The following ERBB4 variants were observed in gnomAD, a reference collection of about 807,000 sequenced individuals.
The protein encoded by ERBB4 is receptor tyrosine-protein kinase erbB-4.
A neutral mutation model predicts 158.0 loss-of-function variants in ERBB4; 42 were observed. The observed-to-expected ratio is 0.27, with a 90% CI of 0.21 to 0.34. The LOEUF (loss-of-function observed/expected upper bound fraction) is 0.34, where lower values mean the gene tolerates loss of function less well. ERBB4 is among the 10% of genes least tolerant of loss of function. ERBB4 has a pLI of 1.00. For missense variants in ERBB4, 1,333 were observed against 1,624.1 expected, an observed-to-expected ratio of 0.82 and a Z score of 3.08; for synonymous variants, 583 against 558.7, an observed-to-expected ratio of 1.04 and a Z score of -0.61.
intron 1 of ERBB4, among the ~76,000 whole-genome samples, chr2:212,247,636 C>G (rs1183733169): frequency 6.6e-6 from 1 of 152,134 alleles, no homozygotes. Flanking sequence ...AGTTTGTTTT[C>G]TCATTTAATA....
chr2:212,197,265 G>T (rs1331015494), intron 1 of ERBB4, among the ~76,000 whole-genome samples: 1 of 152,128 alleles, frequency 6.6e-6, no homozygotes. Flanking sequence ...AACTTATGAA[G>T]ATTCGCAATA....
intron 1 of ERBB4, among the ~76,000 whole-genome samples, chr2:212,175,096 G>A (rs1186733926): frequency 6.6e-6 from 1 of 152,000 alleles, no homozygotes; most frequent in African/African-American, 2.4e-5. Flanking sequence ...AAGATCTGGT[G>A]TAAAAGTCAC....
At position 211,955,178 on chromosome 2, in the gene ERBB4, AC is replaced by A. The variant is rs370909682; in HGVS notation, c.235-7563del. 4.9e-3 allele frequency among the ~76,000 whole-genome samples: 745 copies of A among 152,192 alleles called. 8 individuals are homozygous for A. Among genetic ancestry groups the A allele is most frequent in the African/African-American group, 0.017 (702 of 41,554 alleles). On this transcript the variant is annotated intron_variant, in intron 2 of 27. Coordinates refer to ENST00000342788, the MANE Select transcript of ERBB4 (RefSeq NM_005235.3). The stretch of plus-strand genomic sequence containing the variant: ...GTAAGATCATCCCAACAAACTGCTA[AC>A]TTTCAGCCATTTCCAGCTAGTCTCT...
chr2:211,410,246 C>T (rs1253142040), intron 25 of ERBB4, among the ~76,000 whole-genome samples: 1 of 152,196 alleles, frequency 6.6e-6, no homozygotes, highest in Non-Finnish European at 1.5e-5. Flanking sequence ...TATATATACA[C>T]ACATTGCCAA....
rs73985488 is a variant in ERBB4, at chr2:211,554,117, G to A, written c.2487+7786C>T. Among the ~76,000 whole-genome samples, 939 of 152,304 alleles carry A rather than the reference G, an allele frequency of 6.2e-3. 8 individuals are homozygous for A. The highest frequency in any genetic ancestry group is 0.02 in the African/African-American group (849 of 41,564). ...TTCAGTCCTCTAATTCCGGAGTGCC[G>A]TTGAAGAAGAGCAGGTCACTTTAAG... On this transcript the variant is annotated intron_variant, in intron 20 of 27. Coordinates refer to ENST00000342788, the MANE Select transcript of ERBB4 (RefSeq NM_005235.3).
chr2:211,974,620 T>C (rs1049050860), intron 2 of ERBB4, among the ~76,000 whole-genome samples: 29 of 152,144 alleles, frequency 1.9e-4, no homozygotes, highest in Middle Eastern at 3.2e-3. Flanking sequence ...CCAGGAGCAA[T>C]GGCTCACACC....
At chr2:212,410,373 G>A (rs554976398) in intron 1 of ERBB4, among the ~76,000 whole-genome samples, 1 of 152,024 alleles carries the variant, frequency 6.6e-6, no homozygotes, top group African/African-American at 2.4e-5. Context: ...TTTTTGTAAA[G>A]AAACTATCAT....
At chr2:211,806,146 T>C (rs538498744) in intron 3 of ERBB4, among the ~76,000 whole-genome samples, 1 of 152,142 alleles carries the variant, frequency 6.6e-6, no homozygotes, top group Admixed American at 6.5e-5. Flanking sequence ...AATAAATGCC[T>C]AGATGTGTAT....
rs752278603 is a variant in ERBB4, at chr2:211,624,496, T to C, written c.2080-452A>G. Among the ~76,000 whole-genome samples the C allele has an allele frequency of 2.2e-4, 33 of 152,254 alleles. 1 individual carries two copies. Among genetic ancestry groups the C allele is most frequent in the Admixed American group, 1.3e-3 (20 of 15,286 alleles). ...AATTACCTCAACTTCTTGTTAAATA[T>C]AGGTCCCGGTTCAGCAAGTCTGGAG... On this transcript the variant is annotated intron_variant, in intron 17 of 27. Transcript: ENST00000342788.
Position 211,481,971 on chromosome 2 carries a change from G to T in ERBB4, c.2488-50871C>A, listed in dbSNP as rs578152477. Among the ~76,000 whole-genome samples the T allele has an allele frequency of 1.2e-3, 189 of 152,232 alleles. 1 individual carries two copies. The highest frequency in any genetic ancestry group is 2.3e-3 in the Non-Finnish European group (156 of 68,004). ...CCCCTGAGAAATAAGCCACAAGATT[G>T]CTCCAGCTTACTGTTTAAGTAAATT... On this transcript the variant is annotated intron_variant, in intron 20 of 27. Transcript: ENST00000342788.
intron 20 of ERBB4, among the ~76,000 whole-genome samples, chr2:211,489,825 T>G (rs537265500): frequency 6.6e-6 from 1 of 152,134 alleles, no homozygotes; most frequent in East Asian, 1.9e-4. Flanking sequence ...GGACCAACTC[T>G]CCATCACATC....
At chr2:212,404,618 C>A in intron 1 of ERBB4, among the ~76,000 whole-genome samples, 1 of 151,964 alleles carries the variant, frequency 6.6e-6, no homozygotes, top group East Asian at 1.9e-4. Context: ...GGGCAAACAG[C>A]TGGAAAGTGT....
chr2:212,253,461 C>T lies in ERBB4; in HGVS notation c.83-128558G>A, dbSNP rs79559063. ...AAAAAACCTATAATAAGTAAATTTG[C>T]TTCTCTTCTTCATCAAAACCAGTTC... is the stretch of plus-strand genomic sequence containing the variant. On this transcript the variant is annotated intron_variant, in intron 1 of 27. Coordinates refer to ENST00000342788, the MANE Select transcript of ERBB4 (RefSeq NM_005235.3). Among the ~76,000 whole-genome samples the T allele has an allele frequency of 4.8e-3, 733 of 152,006 alleles. 7 individuals are homozygous for T. Among genetic ancestry groups the T allele is most frequent in the Middle Eastern group, 0.017 (5 of 294 alleles).
At chr2:212,159,287 A>T (rs1375924618) in intron 1 of ERBB4, among the ~76,000 whole-genome samples, 1 of 150,346 alleles carries the variant, frequency 6.7e-6, no homozygotes, top group African/African-American at 2.4e-5. Context: ...TTTTGGATAG[A>T]AACAGATAGC....
chr2:211,411,233 A>G (rs1270820390), intron 25 of ERBB4, among the ~76,000 whole-genome samples: 1 of 152,202 alleles, frequency 6.6e-6, no homozygotes, highest in East Asian at 1.9e-4. Flanking sequence ...ATACAAGTAA[A>G]TCTTACAAAG....
At chr2:212,436,896 G>T (rs374645633) in intron 1 of ERBB4, among the ~76,000 whole-genome samples, 3 of 151,952 alleles carry the variant, frequency 2.0e-5, no homozygotes, top group Non-Finnish European at 1.5e-5. Context: ...ACAAGAATAG[G>T]TTGGAGGCCA....
At chr2:211,839,282 A>C (rs1234043157) in intron 3 of ERBB4, among the ~76,000 whole-genome samples, 1 of 151,964 alleles carries the variant, frequency 6.6e-6, no homozygotes, top group African/African-American at 2.4e-5. Flanking sequence ...GTCACCCTTC[A>C]CGCTCATATT....
At chr2:211,801,946 C>A (rs2076506516) in intron 3 of ERBB4, among the ~76,000 whole-genome samples, 1 of 152,114 alleles carries the variant, frequency 6.6e-6, no homozygotes, top group Middle Eastern at 3.2e-3. Context: ...CAAAAAGGAA[C>A]ACTAATCAGA....
chr2:211,903,215 G>T (rs1043983500), intron 3 of ERBB4, among the ~76,000 whole-genome samples: 2 of 151,990 alleles, frequency 1.3e-5, no homozygotes, highest in Non-Finnish European at 2.9e-5. Context: ...TAGGCTCTCA[G>T]TAATTAACCA....
Sources: gnomAD v4.1 joint callset for allele counts (sites outside exome capture counted in the v4.1 genomes callset) on GRCh38, gnomAD v4.1.1 for gene constraint, MANE v1.5 for transcripts, NCBI Gene and HGNC (gene_info 2026-07-23, HGNC 2026-07-21) for gene names.